HEATR4: variants seen among roughly 807,000 people sequenced by gnomAD.
The protein encoded by HEATR4 is HEAT repeat containing 4.
HEATR4 carries 95 observed loss-of-function variants against 108.8 expected under a neutral mutation model. The observed-to-expected ratio is 0.87, with a 90% confidence interval of 0.74 to 1.04. The LOEUF (loss-of-function observed/expected upper bound fraction) is 1.04. Ranked by LOEUF, HEATR4 falls within the 50% of genes least tolerant of loss-of-function variation. The pLI is 0.00. For missense variants in HEATR4, 1,152 were observed against 1,253.8 expected, an observed-to-expected ratio of 0.92 and a Z score of 1.23; for synonymous variants, 443 against 459.4, an observed-to-expected ratio of 0.96 and a Z score of 0.46.
the HEATR4 span, among the ~76,000 whole-genome samples, chr14:73,584,357 CTCAG>C: frequency 6.6e-6 from 1 of 151,948 alleles, no homozygotes; most frequent in Non-Finnish European, 1.5e-5. Flanking sequence ...CCTTATGCCC[CTCAG>C]TCAAATTCTT....
At chr14:73,616,152 A>T in the HEATR4 span, among the ~76,000 whole-genome samples, 1 of 152,006 alleles carries the variant, frequency 6.6e-6, no homozygotes, top group African/African-American at 2.4e-5. Flanking sequence ...ACTTTTTTGT[A>T]GAGATGGGTC....
intron 2 of HEATR4, among the ~76,000 whole-genome samples, chr14:73,523,989 TA>T (rs1461283600): frequency 6.6e-6 from 1 of 152,080 alleles, no homozygotes. Context: ...TTTTTATTGT[TA>T]AAATATTTAA....
At chr14:73,479,192 T>C (rs1885142325) in intron 17 of HEATR4, among the ~76,000 whole-genome samples, 1 of 151,358 alleles carries the variant, frequency 6.6e-6, no homozygotes, top group Admixed American at 6.6e-5. Context: ...CTCGGCTCAC[T>C]GCCAGCTCCG....
chr14:73,569,960 TTA>T, the HEATR4 span: 1 of 1,496,124 alleles, frequency 6.7e-7, no homozygotes, highest in East Asian at 2.5e-5. Context: ...CGCTTTTCGC[TTA>T]TGTGTATGCC....
intron 5 of HEATR4, chr14:73,517,369 A>G (rs954647468): frequency 3.3e-5 from 5 of 152,222 alleles, no homozygotes; most frequent in Non-Finnish European, 7.3e-5. Flanking sequence ...CAAGCTCAAT[A>G]AAGCTGTTAT....
chr14:73,496,244 C>G (rs541568305), intron 15 of HEATR4, among the ~76,000 whole-genome samples: 10 of 152,170 alleles, frequency 6.6e-5, no homozygotes, highest in African/African-American at 2.2e-4. Flanking sequence ...GGGGCCAGCT[C>G]TAGTCCCTTA....
rs1888878865 is a variant in HEATR4, at chr14:73,536,940, A to T, written c.-151-6696T>A. 1.8e-5 allele frequency among the ~76,000 whole-genome samples: 2 copies of T among 112,564 alleles called. 1 individual carries two copies. The highest frequency in any genetic ancestry group is 3.8e-5 in the Non-Finnish European group (2 of 52,044). 73.8% of individuals were successfully genotyped at this position (112,564 alleles called of 152,430 possible). A position where few individuals can be genotyped will look rare whatever the true frequency, so the allele number is the denominator to read the frequency against. ...CTCCAGTCCTGCATTCCTCTTCGCC[A>T]TCAGGAGTTTGGAGCCTGGAGACTG... On this transcript the variant is annotated intron_variant, in intron 1 of 17. Coordinates refer to ENST00000553558, the MANE Select transcript of HEATR4 (RefSeq NM_001220484.1).
the HEATR4 span, among the ~76,000 whole-genome samples, chr14:73,587,603 G>A: frequency 3.3e-5 from 5 of 152,174 alleles, no homozygotes; most frequent in South Asian, 8.3e-4. Flanking sequence ...TGATCTGCCC[G>A]CCTTGGCCTC....
intron 10 of HEATR4, among the ~76,000 whole-genome samples, chr14:73,506,083 G>T (rs1489743030): frequency 6.6e-6 from 1 of 151,454 alleles, no homozygotes; most frequent in Non-Finnish European, 1.5e-5. Flanking sequence ...TAGAGATGGA[G>T]TTTCACCATG....
the HEATR4 span, chr14:73,569,178 C>T: frequency 1.0e-5 from 16 of 1,576,252 alleles, 1 homozygote; most frequent in African/African-American, 1.3e-5. Flanking sequence ...TGGCCTTCCC[C>T]GCTCACGTTA....
the HEATR4 span, among the ~76,000 whole-genome samples, chr14:73,606,185 C>T: frequency 5.9e-5 from 9 of 151,986 alleles, no homozygotes; most frequent in Non-Finnish European, 1.0e-4. Flanking sequence ...GGAGAAAACC[C>T]GTCTCTACTA....
At chr14:73,599,649 T>C in the HEATR4 span, among the ~76,000 whole-genome samples, 2 of 152,212 alleles carry the variant, frequency 1.3e-5, no homozygotes, top group Non-Finnish European at 2.9e-5. Flanking sequence ...CAAGCAATTC[T>C]GCATGACCTT....
In HEATR4 at chr14:73,522,907, G is replaced by T. The variant is rs1287102968; in HGVS notation, c.246C>A (p.Gly82=). 2 of 1,614,180 alleles carry T rather than the reference G, an allele frequency of 1.2e-6. No individual in the cohort carries two copies. Residue 82 remains glycine, a synonymous_variant, in exon 3 of 18, where the codon GGC becomes GGA. Transcript: ENST00000553558. ...ACTGGCTATAAGGAATGCTGGGCAG[G>T]CCTCGCTGCCACACCACCTCCTGAG... ...TFSQEVVWQR[G]LPSIPYSQYS...
At chr14:73,506,804 G>GTTTTTTTTTGT (rs1886866522) in intron 9 of HEATR4, among the ~76,000 whole-genome samples, 1 of 80,522 alleles carries the variant, frequency 1.2e-5, no homozygotes, top group African/African-American at 4.9e-5. Context: ...GACTTTAACT[G>GTTTTTTTTTGT]TTTTTTTTTT....
At chr14:73,619,320 A>G in the HEATR4 span, 3 of 1,613,690 alleles carry the variant, frequency 1.9e-6, no homozygotes, top group East Asian at 2.2e-5. Flanking sequence ...AGGGCATCAC[A>G]GCCACTGTAC....
chr14:73,546,476 A>G (rs1889234034), intron 1 of HEATR4, among the ~76,000 whole-genome samples: 1 of 108,242 alleles, frequency 9.2e-6, no homozygotes. Context: ...TGATCCTCCC[A>G]CCTCAGCCCC....
intron 17 of HEATR4, chr14:73,491,212 A>G: frequency 1.3e-6 from 2 of 1,593,426 alleles, no homozygotes; most frequent in Non-Finnish European, 1.7e-6. Flanking sequence ...ACTCGGAGGA[A>G]TCGAGGGTGG....
the HEATR4 span, among the ~76,000 whole-genome samples, chr14:73,564,127 C>T: frequency 4.0e-5 from 6 of 151,616 alleles, no homozygotes; most frequent in South Asian, 2.1e-4. Flanking sequence ...GGTGAAACCC[C>T]GTCGTACTAA....
chr14:73,482,012 A>G (rs1429933187), intron 17 of HEATR4, among the ~76,000 whole-genome samples: 1 of 152,080 alleles, frequency 6.6e-6, no homozygotes, highest in Admixed American at 6.6e-5. Context: ...ATAAAAAACA[A>G]AAACAAAACA....
Sources: gnomAD v4.1 joint callset for allele counts (sites outside exome capture counted in the v4.1 genomes callset) on GRCh38, gnomAD v4.1.1 for gene constraint, MANE v1.5 for transcripts, NCBI Gene and HGNC (gene_info 2026-07-23, HGNC 2026-07-21) for gene names.